The following DGKB variants were observed in gnomAD, a reference collection of about 807,000 sequenced individuals.
DGKB encodes the protein 90 kDa diacylglycerol kinase.
DGKB carries 67 observed loss-of-function variants against 114.3 expected under a neutral mutation model. The observed-to-expected ratio is 0.59, with a 90% CI of 0.48 to 0.72. The LOEUF (loss-of-function observed/expected upper bound fraction) is 0.72. DGKB is among the 30% of genes least tolerant of loss of function. DGKB has a pLI of 0.00. For synonymous variants in DGKB, 398 were observed against 323.1 expected, an observed-to-expected ratio of 1.23 and a Z score of -2.49; for missense variants, 907 against 975.2, an observed-to-expected ratio of 0.93 and a Z score of 0.93.
chr7:14,401,988 C>A (rs3069087), intron 21 of DGKB, among the ~76,000 whole-genome samples: 95,758 of 138,234 alleles, frequency 0.69, 32,252 homozygotes, highest in Non-Finnish European at 0.78. Context: ...ACACACACAC[C>A]CGCTATTCAG....
At chr7:14,685,468 G>A in intron 9 of DGKB, 106 bp from the exon 10 acceptor site, 3 of 784,046 alleles carry the variant, frequency 3.8e-6, no homozygotes, top group Non-Finnish European at 4.2e-6. Context: ...AAGACAATCT[G>A]TTATTTCATC....
chr7:14,885,093 G>T (rs1223149582), intron 1 of DGKB, among the ~76,000 whole-genome samples: 1 of 151,882 alleles, frequency 6.6e-6, no homozygotes, highest in Non-Finnish European at 1.5e-5. Context: ...TGACTTGAAA[G>T]CTCCTATTTT....
intron 23 of DGKB, among the ~76,000 whole-genome samples, chr7:14,285,444 C>G (rs980641295): frequency 3.3e-5 from 5 of 152,152 alleles, no homozygotes; most frequent in Non-Finnish European, 7.4e-5. Context: ...TCCTGTTCAT[C>G]TTTCTCAAGG....
intron 3 of DGKB, among the ~76,000 whole-genome samples, chr7:14,755,795 C>T (rs757699859): frequency 1.3e-4 from 19 of 151,746 alleles, no homozygotes; most frequent in South Asian, 2.1e-4. Context: ...AATTTTCTTC[C>T]GAAGGAAAAA....
intron 1 of DGKB, among the ~76,000 whole-genome samples, chr7:14,860,472 C>T (rs576819077): frequency 6.6e-6 from 1 of 151,854 alleles, no homozygotes; most frequent in South Asian, 2.1e-4. Flanking sequence ...TCATGAAGGG[C>T]AGACAAAACC....
rs150016737 is a variant in DGKB, at chr7:14,223,187, A to G, written c.2123-45036T>C. On this transcript the variant is annotated intron_variant, in intron 23 of 25. Coordinates refer to ENST00000402815, the MANE Select transcript of DGKB (RefSeq NM_001350709.2). Reference sequence around the variant, plus strand: ...TCTGCCATCTTAATTTTTGTTTTCTATAAGTCTGATGTCTTTGTTGTAAAT... The same window carrying G: ...TCTGCCATCTTAATTTTTGTTTTCTGTAAGTCTGATGTCTTTGTTGTAAAT... 1.1e-4 allele frequency among the ~76,000 whole-genome samples: 17 copies of G among 151,704 alleles called. No individual in the cohort carries two copies. The East Asian group carries it at 1.2e-3, about 10-fold the overall frequency.
intron 1 of DGKB, among the ~76,000 whole-genome samples, chr7:14,936,564 T>C (rs1054472205): frequency 2.6e-5 from 4 of 152,148 alleles, no homozygotes; most frequent in African/African-American, 7.2e-5. Flanking sequence ...ATAATGATTT[T>C]TCATGTCTTC....
intron 8 of DGKB, among the ~76,000 whole-genome samples, chr7:14,696,969 T>A (rs1187812573): frequency 6.6e-6 from 1 of 152,212 alleles, no homozygotes; most frequent in Non-Finnish European, 1.5e-5. Flanking sequence ...CTTCTTGAAT[T>A]TGCATAAAAT....
chr7:14,845,106 C>CAAAAAAAAAA (rs59367496), intron 1 of DGKB, among the ~76,000 whole-genome samples: 12 of 89,256 alleles, frequency 1.3e-4, no homozygotes, highest in Non-Finnish European at 2.0e-4. Flanking sequence ...GGCCCTGTGT[C>CAAAAAAAAAA]AAAAAAAAAA....
intron 4 of DGKB, among the ~76,000 whole-genome samples, chr7:14,737,045 A>G (rs1831826461): frequency 1.3e-5 from 2 of 152,180 alleles, no homozygotes; most frequent in Non-Finnish European, 2.9e-5. Context: ...AAATGGTACT[A>G]TTTTAAGTTG....
chr7:14,399,514 C>T (rs1469441512), intron 21 of DGKB, among the ~76,000 whole-genome samples: 3 of 151,526 alleles, frequency 2.0e-5, no homozygotes, highest in Admixed American at 6.6e-5. Context: ...ACAATAGTAC[C>T]TATAATACAA....
At chr7:14,258,000 T>C (rs1214112290) in intron 23 of DGKB, among the ~76,000 whole-genome samples, 1 of 152,176 alleles carries the variant, frequency 6.6e-6, no homozygotes, top group Non-Finnish European at 1.5e-5. Flanking sequence ...AGTGCTGGGA[T>C]TGCAGGCGTG....
intron 1 of DGKB, among the ~76,000 whole-genome samples, chr7:14,872,688 T>C (rs1408951063): frequency 1.3e-5 from 2 of 152,036 alleles, no homozygotes; most frequent in African/African-American, 4.8e-5. Flanking sequence ...TTAGATACTG[T>C]GCGGCCTCAA....
chr7:14,967,552 C>T lies in DGKB; in HGVS notation c.-188+7144G>A, dbSNP rs113196903. Reference sequence around the variant, plus strand: ...GCCAGGCTGGTCTTGAGCTCCCGGCCTCAAGTGATTCATTCACCTCGGCCT... The same window carrying T: ...GCCAGGCTGGTCTTGAGCTCCCGGCTTCAAGTGATTCATTCACCTCGGCCT... On this transcript the variant is annotated intron_variant, in intron 1 of 4. Transcript: ENST00000437998. 3.7e-3 allele frequency among the ~76,000 whole-genome samples: 554 copies of T among 151,156 alleles called. 4 individuals carry two copies. The highest frequency in any genetic ancestry group is 0.013 in the African/African-American group (522 of 41,170).
At chr7:14,170,700 A>G (rs1780861573) in intron 25 of DGKB, among the ~76,000 whole-genome samples, 1 of 152,234 alleles carries the variant, frequency 6.6e-6, no homozygotes, top group South Asian at 2.1e-4. Context: ...ATTTGAAAAA[A>G]CAAACACATA....
chr7:14,268,933 A>G (rs1452988167), intron 23 of DGKB: 1 of 152,196 alleles, frequency 6.6e-6, no homozygotes, highest in East Asian at 1.9e-4. Flanking sequence ...ACACACATTT[A>G]TTAGCTCACA....
intron 1 of DGKB, among the ~76,000 whole-genome samples, chr7:14,951,672 A>G (rs1786206961): frequency 1.3e-5 from 2 of 152,152 alleles, no homozygotes; most frequent in South Asian, 4.1e-4. Flanking sequence ...GTTAATAATA[A>G]TTTATCAATA....
intron 20 of DGKB, among the ~76,000 whole-genome samples, chr7:14,482,174 A>T (rs1256591598): frequency 2.6e-5 from 4 of 151,996 alleles, no homozygotes; most frequent in African/African-American, 9.7e-5. Flanking sequence ...TGCTTTGAAG[A>T]TCTGGTGTTC....
chr7:14,320,893 A>C (rs574615111), intron 23 of DGKB, among the ~76,000 whole-genome samples: 6 of 152,258 alleles, frequency 3.9e-5, no homozygotes, highest in Admixed American at 2.0e-4. Context: ...ATAGATGCAA[A>C]ATTTTAAATG....
Sources: allele counts gnomAD v4.1 joint callset (sites outside exome capture counted in the v4.1 genomes callset), GRCh38; gene constraint gnomAD v4.1.1; transcripts MANE v1.5; gene names NCBI Gene and HGNC (gene_info 2026-07-23, HGNC 2026-07-21).